The following LDB2 variants were observed in gnomAD, a reference collection of about 807,000 sequenced individuals.
LDB2 encodes the protein LIM domain binding 2.
LDB2 carries 12 observed loss-of-function variants against 44.3 expected under a neutral mutation model. The ratio of observed to expected loss-of-function variants is 0.27; its 90% CI spans 0.17 to 0.44. The LOEUF (loss-of-function observed/expected upper bound fraction) is 0.44, where lower values mean the gene tolerates loss of function less well. LDB2 is among the 20% of genes least tolerant of loss of function. The probability of loss-of-function intolerance (pLI) is 1.00; values close to 1 mark genes in which losing one functional copy is unlikely to be tolerated. For missense variants in LDB2, 344 were observed against 473.5 expected (o/e 0.73, Z 2.54); for synonymous variants, 164 against 174.8 (o/e 0.94, Z 0.49).
chr4:16,763,174 C>A (rs1203308897), intron 1 of LDB2, among the ~76,000 whole-genome samples: 1 of 148,364 alleles, frequency 6.7e-6, no homozygotes, highest in Non-Finnish European at 1.5e-5. Context: ...AAAATGTAAC[C>A]TTTAAGTTCA....
chr4:16,714,896 T>C (rs1260129895), intron 2 of LDB2, among the ~76,000 whole-genome samples: 1 of 152,148 alleles, frequency 6.6e-6, no homozygotes, highest in African/African-American at 2.4e-5. Flanking sequence ...ACATCGGTCA[T>C]TGGATTTAGG....
At chr4:16,621,058 A>G (rs1728741357) in intron 2 of LDB2, among the ~76,000 whole-genome samples, 1 of 152,208 alleles carries the variant, frequency 6.6e-6, no homozygotes, top group Non-Finnish European at 1.5e-5. Context: ...CTTTTCACAC[A>G]TCTACTACGT....
At chr4:16,773,378 A>G (rs1311510687) in intron 1 of LDB2, among the ~76,000 whole-genome samples, 2 of 152,188 alleles carry the variant, frequency 1.3e-5, no homozygotes, top group African/African-American at 2.4e-5. Context: ...ACAACTCACC[A>G]TAATGTAGAA....
chr4:16,560,157 C>G lies in LDB2; in HGVS notation c.615+25765G>C, dbSNP rs141758618. ...CACCCTAAAGTCACAATTAAAAGAA[C>G]TAGAAAAGCAAGAGCAAACACATTC... On this transcript the variant is annotated intron_variant, in intron 5 of 7. Transcript: ENST00000304523. Among the ~76,000 whole-genome samples, 217 of 152,146 alleles carry G rather than the reference C, an allele frequency of 1.4e-3. No homozygotes were observed. In the East Asian group the frequency reaches 0.029, roughly 20 times the overall value.
Position 16,502,453 on chromosome 4 carries a change from A to G in LDB2, c.*190T>C. On this transcript the variant is annotated 3_prime_UTR_variant, in exon 8 of 8. Coordinates refer to ENST00000304523, the MANE Select transcript of LDB2 (RefSeq NM_001290.5). ...AAGGCCTCCAAGAAAGGGTCATGGAAGCTTACTGGGAATAATCCTCTCAAT... is the reference window on the plus strand; with the variant it reads ...AAGGCCTCCAAGAAAGGGTCATGGAGGCTTACTGGGAATAATCCTCTCAAT... 1.3e-6 allele frequency: 1 copy of G among 771,476 alleles called. No individual in the cohort carries two copies. Among genetic ancestry groups the G allele is most frequent in the South Asian group, 1.9e-5 (1 of 52,646 alleles). The allele number at this position is 771,476 out of a possible 1,614,324, so 47.8% of individuals were successfully genotyped here.
intron 2 of LDB2, among the ~76,000 whole-genome samples, chr4:16,629,434 A>C (rs986939017): frequency 6.6e-6 from 1 of 152,140 alleles, no homozygotes; most frequent in African/African-American, 2.4e-5. Flanking sequence ...CAGAGGAAGG[A>C]TCAGACAACA....
intron 5 of LDB2, among the ~76,000 whole-genome samples, chr4:16,519,871 A>G (rs957465764): frequency 6.6e-6 from 1 of 152,026 alleles, no homozygotes; most frequent in African/African-American, 2.4e-5. Context: ...TTGTGATGAG[A>G]AATGCTATGG....
rs772888680 is a variant in LDB2, at chr4:16,582,755, C to A, written c.615+3167G>T. Among the ~76,000 whole-genome samples, 1 of 152,190 alleles carries A rather than the reference C, an allele frequency of 6.6e-6. No individual in the cohort carries two copies. Among genetic ancestry groups the A allele is most frequent in the Non-Finnish European group, 1.5e-5 (1 of 68,036 alleles). ...GAGGCAGCCTGTAGAGGAAGTGAGA[C>A]CGCACTGTGACAGGGCGCCATCTCT... is the stretch of plus-strand genomic sequence containing the variant. On this transcript the variant is annotated intron_variant, in intron 5 of 7. Transcript: ENST00000304523. This position sits in a 1 kb window ranked among gnomAD's most constrained non-coding sequence, Gnocchi z 4.8.
At chr4:16,809,397 T>A (rs2109832820) in intron 1 of LDB2, among the ~76,000 whole-genome samples, 1 of 152,266 alleles carries the variant, frequency 6.6e-6, no homozygotes, top group Admixed American at 6.5e-5. Flanking sequence ...CTAAAGGCTG[T>A]CCAGGACTGA....
chr4:16,698,011 C>T (rs886882520), intron 2 of LDB2, among the ~76,000 whole-genome samples: 2 of 152,010 alleles, frequency 1.3e-5, no homozygotes, highest in African/African-American at 2.4e-5. Flanking sequence ...TGTGTGTATT[C>T]GTTATATAAA....
chr4:16,657,102 A>C (rs1003329395), intron 2 of LDB2, among the ~76,000 whole-genome samples: 2 of 152,222 alleles, frequency 1.3e-5, no homozygotes, highest in Admixed American at 6.5e-5. Flanking sequence ...AAACATTTAA[A>C]GGTAATGAAG....
intron 1 of LDB2, among the ~76,000 whole-genome samples, chr4:16,831,109 T>C (rs1362953111): frequency 6.6e-6 from 1 of 151,100 alleles, no homozygotes; most frequent in East Asian, 1.9e-4. Flanking sequence ...CAGACTGACA[T>C]GGATTTAGAT....
intron 2 of LDB2, among the ~76,000 whole-genome samples, chr4:16,752,250 C>T (rs1175093097): frequency 6.6e-6 from 1 of 152,202 alleles, no homozygotes; most frequent in East Asian, 1.9e-4. Flanking sequence ...AGATACAGAG[C>T]CCACTCTTTA....
chr4:16,504,240 CTG>C (rs1164586532), intron 7 of LDB2, among the ~76,000 whole-genome samples: 1 of 152,208 alleles, frequency 6.6e-6, no homozygotes, highest in African/African-American at 2.4e-5. Context: ...ATACTGCCTA[CTG>C]TCAGGAGAAG....
chr4:16,559,087 C>G, intron 5 of LDB2, among the ~76,000 whole-genome samples: 1 of 152,170 alleles, frequency 6.6e-6, no homozygotes, highest in East Asian at 1.9e-4. Context: ...AAAAGAACAA[C>G]CGGTACCAGC....
In LDB2 at chr4:16,838,391, G is replaced by A. The variant is rs543131069; in HGVS notation, c.132+59963C>T. Among the ~76,000 whole-genome samples, 4 of 152,272 alleles carry A rather than the reference G, an allele frequency of 2.6e-5. No homozygotes were observed. The South Asian group carries it at 6.2e-4, about 24-fold the overall frequency. Reference sequence around the variant, plus strand: ...GACTATGAGGGCACCTTTCACCATAGTTGTGTTGACATTTCTGTGGCTCCA... The same window carrying A: ...GACTATGAGGGCACCTTTCACCATAATTGTGTTGACATTTCTGTGGCTCCA... On this transcript the variant is annotated intron_variant, in intron 1 of 7. Coordinates refer to ENST00000304523, the MANE Select transcript of LDB2 (RefSeq NM_001290.5).
chr4:16,820,940 C>T (rs1781841207), intron 1 of LDB2, among the ~76,000 whole-genome samples: 1 of 152,106 alleles, frequency 6.6e-6, no homozygotes, highest in African/African-American at 2.4e-5. Context: ...CTCTAAATGG[C>T]AAATTTCCAT....
Position 16,588,711 on chromosome 4 carries a change from T to G in LDB2, c.530A>C (p.His177Pro), listed in dbSNP as rs770479786. The change falls in exon 4 of 8, where the codon CAT becomes CCT. Residue 177 changes from histidine to proline, a missense_variant and splice_region_variant. This residue lies in a region of LDB2 where 226 missense variants were observed against 270.1 expected (regional missense o/e 0.84). Coordinates refer to ENST00000304523, the MANE Select transcript of LDB2 (RefSeq NM_001290.5). Reference sequence around the variant, plus strand: ...CAAAACAGAAATTAAATTACTTACATGCATGGCTAGGATGCTTCTCGGGAC... The same window carrying G: ...CAAAACAGAAATTAAATTACTTACAGGCATGGCTAGGATGCTTCTCGGGAC... ...ELVPRSILAM[H>P]AQDPQVLDQL... is the part of the protein sequence containing the mutation. The G allele has an allele frequency of 1.9e-6, 3 of 1,612,812 alleles. No individual in the cohort carries two copies. Among genetic ancestry groups the G allele is most frequent in the Admixed American group, 3.3e-5 (2 of 59,784 alleles).
intron 1 of LDB2, among the ~76,000 whole-genome samples, chr4:16,792,709 C>CCAT (rs1307504849): frequency 6.6e-6 from 1 of 152,172 alleles, no homozygotes; most frequent in Non-Finnish European, 1.5e-5. Context: ...TTATCCATGT[C>CCAT]CCTGGCCTCT....
Sources: allele counts gnomAD v4.1 joint callset (sites outside exome capture counted in the v4.1 genomes callset), GRCh38; gene constraint gnomAD v4.1.1; regional missense constraint gnomAD v4.1.1; non-coding constraint Gnocchi (gnomAD v3.1); transcripts MANE v1.5; gene names NCBI Gene and HGNC (gene_info 2026-07-23, HGNC 2026-07-21).